Variants in SHISA9 observed in about 807,000 individuals in gnomAD.
SHISA9 encodes protein shisa-9.
A neutral mutation model predicts 38.0 loss-of-function variants in SHISA9; 13 were observed. The ratio of observed to expected loss-of-function variants is 0.34; its 90% CI spans 0.22 to 0.54. SHISA9 has a LOEUF of 0.54. SHISA9 is among the 20% of genes least tolerant of loss of function. The pLI is 0.91. For synonymous variants in SHISA9, 275 were observed against 242.0 expected, an observed-to-expected ratio of 1.14 and a Z score of -1.27; for missense variants, 538 against 575.8, an observed-to-expected ratio of 0.93 and a Z score of 0.67.
the SHISA9 span, among the ~76,000 whole-genome samples, chr16:13,472,362 T>C: frequency 6.6e-6 from 1 of 150,686 alleles, no homozygotes; most frequent in Non-Finnish European, 1.5e-5. Flanking sequence ...TTAGAGCTTA[T>C]TAACGCTCTG....
intron 2 of SHISA9, among the ~76,000 whole-genome samples, chr16:13,094,961 T>A (rs1381899388): frequency 6.6e-6 from 1 of 152,212 alleles, no homozygotes; most frequent in African/African-American, 2.4e-5. Context: ...TAGCAAACAG[T>A]AGGTCCTCAG....
At chr16:13,015,910 T>TTTC (rs1555454846) in intron 2 of SHISA9, among the ~76,000 whole-genome samples, 2 of 107,738 alleles carry the variant, frequency 1.9e-5, no homozygotes, top group East Asian at 3.0e-4. Flanking sequence ...TTCTTTCTTT[T>TTTC]CTTTCTTTCT....
chr16:13,204,267 C>T (rs555102972), intron 3 of SHISA9, among the ~76,000 whole-genome samples: 1 of 151,582 alleles, frequency 6.6e-6, no homozygotes, highest in African/African-American at 2.4e-5. Context: ...TTCTGGGTCT[C>T]TCTACCTGGG....
At chr16:13,357,824 G>A in the SHISA9 span, among the ~76,000 whole-genome samples, 1 of 151,796 alleles carries the variant, frequency 6.6e-6, no homozygotes, top group South Asian at 2.1e-4. Context: ...GGTGCTCAGT[G>A]GGGGTGCTTT....
At chr16:13,480,665 A>C in the SHISA9 span, among the ~76,000 whole-genome samples, 1 of 152,170 alleles carries the variant, frequency 6.6e-6, no homozygotes, top group Non-Finnish European at 1.5e-5. Context: ...CTCTGAAGCA[A>C]ACCCTATCAG....
At chr16:13,460,799 G>T in the SHISA9 span, among the ~76,000 whole-genome samples, 1 of 152,134 alleles carries the variant, frequency 6.6e-6, no homozygotes, top group African/African-American at 2.4e-5. Flanking sequence ...ACTACAGCTG[G>T]TCTGGATTTG....
At chr16:12,999,637 G>A (rs554713361) in intron 2 of SHISA9, among the ~76,000 whole-genome samples, 2 of 152,328 alleles carry the variant, frequency 1.3e-5, no homozygotes, top group East Asian at 3.9e-4. Context: ...CTAGCAGGTT[G>A]CATGGGGCCT....
At chr16:13,197,301 CATT>C (rs1227480024) in intron 2 of SHISA9, among the ~76,000 whole-genome samples, 1 of 152,072 alleles carries the variant, frequency 6.6e-6, no homozygotes, top group African/African-American at 2.4e-5. Context: ...TTGAAGGAGT[CATT>C]ATGTTGTCTT....
the SHISA9 span, among the ~76,000 whole-genome samples, chr16:13,361,841 T>A: frequency 6.6e-6 from 1 of 152,268 alleles, no homozygotes; most frequent in African/African-American, 2.4e-5. Context: ...ATTTATTGGA[T>A]GAACAAGCCT....
At chr16:13,213,350 G>T in intron 4 of SHISA9, 50 bp downstream of exon 4, 2 of 1,515,878 alleles carry the variant, frequency 1.3e-6, no homozygotes, top group Non-Finnish European at 9.0e-7. Context: ...GTCAAAGTTA[G>T]CATTAAATAA....
the SHISA9 span, among the ~76,000 whole-genome samples, chr16:13,429,659 A>G: frequency 1.3e-5 from 2 of 152,198 alleles, no homozygotes; most frequent in African/African-American, 2.4e-5. Context: ...TAGGAATTCA[A>G]CATAGGAATT....
intron 2 of SHISA9, among the ~76,000 whole-genome samples, chr16:12,967,325 C>T (rs572441676): frequency 9.2e-5 from 14 of 152,170 alleles, no homozygotes; most frequent in South Asian, 8.3e-4. Context: ...AACCAAACAC[C>T]GCATGTTCTC....
chr16:13,561,258 G>C, the SHISA9 span, among the ~76,000 whole-genome samples: 2 of 152,158 alleles, frequency 1.3e-5, no homozygotes, highest in Non-Finnish European at 2.9e-5. Flanking sequence ...AATATTAGAA[G>C]CGTTTGGCTT....
chr16:12,992,926 C>T (rs926661183), intron 2 of SHISA9, among the ~76,000 whole-genome samples: 1 of 152,190 alleles, frequency 6.6e-6, no homozygotes, highest in African/African-American at 2.4e-5. Context: ...GTATTATCAC[C>T]CCATTTTATA....
chr16:13,013,764 G>T (rs910896019), intron 2 of SHISA9, among the ~76,000 whole-genome samples: 1 of 151,712 alleles, frequency 6.6e-6, no homozygotes, highest in Non-Finnish European at 1.5e-5. Flanking sequence ...GTCTCGCTCT[G>T]TCGCCCAGGC....
At chr16:13,511,481 G>A in the SHISA9 span, among the ~76,000 whole-genome samples, 3 of 152,046 alleles carry the variant, frequency 2.0e-5, no homozygotes, top group African/African-American at 7.2e-5. Flanking sequence ...GAAATAACAG[G>A]GATCAGATTT....
chr16:12,921,799 C>A (rs1489983552), intron 2 of SHISA9, among the ~76,000 whole-genome samples: 1 of 152,018 alleles, frequency 6.6e-6, no homozygotes, highest in African/African-American at 2.4e-5. Flanking sequence ...GAGGGAATTT[C>A]CTAGCCAAGG....
At chr16:13,010,127 A>G (rs1249284716) in intron 2 of SHISA9, among the ~76,000 whole-genome samples, 1 of 152,176 alleles carries the variant, frequency 6.6e-6, no homozygotes, top group Non-Finnish European at 1.5e-5. Context: ...GCAGTGACCT[A>G]TGATTTTGCT....
chr16:13,022,474 G>A (rs2072869588), intron 2 of SHISA9, among the ~76,000 whole-genome samples: 1 of 152,100 alleles, frequency 6.6e-6, no homozygotes, highest in African/African-American at 2.4e-5. Flanking sequence ...TGGGGTTACA[G>A]GCATGTGCCA....
Sources: allele counts gnomAD v4.1 joint callset (sites outside exome capture counted in the v4.1 genomes callset), GRCh38; gene constraint gnomAD v4.1.1; transcripts MANE v1.5; gene names NCBI Gene and HGNC (gene_info 2026-07-23, HGNC 2026-07-21).